NAV2: variants seen among roughly 807,000 people sequenced by gnomAD.
NAV2 encodes neuron navigator 2, also known as helicase, APC down-regulated 1.
A neutral mutation model predicts 223.2 loss-of-function variants in NAV2; 54 were observed. That is an observed-to-expected ratio of 0.24 (90% CI 0.19 to 0.30). The LOEUF (loss-of-function observed/expected upper bound fraction) is 0.30. Ranked by LOEUF, NAV2 falls within the 10% of genes least tolerant of loss-of-function variation. The pLI is 1.00. For missense variants in NAV2, 2,806 were observed against 3,147.5 expected, an observed-to-expected ratio of 0.89 and a Z score of 2.60; for synonymous variants, 1,279 against 1,239.3, an observed-to-expected ratio of 1.03 and a Z score of -0.67.
intron 37 of NAV2, 60 bp from the exon 38 acceptor site, chr11:20,118,073 G>C (rs1480353732): frequency 1.2e-6 from 2 of 1,601,266 alleles, no homozygotes; most frequent in Middle Eastern, 1.7e-4. Context: ...CCTTTTAGGA[G>C]TCCAGGGTGG....
Position 20,001,854 on chromosome 11 carries a change from TA to T in NAV2, c.2768+17618del, listed in dbSNP as rs565297370. Among the ~76,000 whole-genome samples, 1,210 of 146,068 alleles carry T rather than the reference TA, an allele frequency of 8.3e-3. 2 individuals are homozygous for T. The highest frequency in any genetic ancestry group is 0.012 in the Non-Finnish European group (811 of 65,996). ...ATGTACCCCAGAATCTAAAGTGTAA[TA>T]AAAAAAAAAATCAGGGCAAGCCTCC... On this transcript the variant is annotated intron_variant, in intron 11 of 37. Transcript: ENST00000349880.
At chr11:19,677,208 G>A (rs191556807) in intron 1 of NAV2, among the ~76,000 whole-genome samples, 11 of 152,228 alleles carry the variant, frequency 7.2e-5, no homozygotes, top group Non-Finnish European at 1.0e-4. Context: ...TATGCCTGGC[G>A]TAATCCAACC....
chr11:19,577,479 C>A (rs1017704840), intron 1 of NAV2, among the ~76,000 whole-genome samples: 2 of 152,248 alleles, frequency 1.3e-5, no homozygotes, highest in Non-Finnish European at 2.9e-5. Context: ...GGCCCTGACC[C>A]CGGCTCCTCC....
intron 6 of NAV2, among the ~76,000 whole-genome samples, chr11:19,921,680 T>C (rs1407336248): frequency 6.6e-6 from 1 of 152,218 alleles, no homozygotes; most frequent in Non-Finnish European, 1.5e-5. Context: ...GCAACTTACA[T>C]GTGTGGACTT....
intron 1 of NAV2, among the ~76,000 whole-genome samples, chr11:19,433,180 G>A (rs377323021): frequency 6.6e-6 from 1 of 152,322 alleles, no homozygotes; most frequent in South Asian, 2.1e-4. Context: ...ACTATATTTT[G>A]AGAGGATGCC....
At chr11:19,915,720 AG>A (rs1476435769) in intron 6 of NAV2, among the ~76,000 whole-genome samples, 1 of 152,078 alleles carries the variant, frequency 6.6e-6, no homozygotes, top group Non-Finnish European at 1.5e-5. Context: ...TCTCCTCTCT[AG>A]TTGTCCTCCC....
At chr11:19,926,641 GAA>G (rs59491897) in intron 6 of NAV2, among the ~76,000 whole-genome samples, 81,052 of 141,534 alleles carry the variant, frequency 0.57, 22,710 homozygotes, top group East Asian at 0.7. Flanking sequence ...TACACTTAAA[GAA>G]AAAAAAAAAA....
At chr11:19,385,405 C>T (rs1410206064) in intron 1 of NAV2, among the ~76,000 whole-genome samples, 3 of 152,300 alleles carry the variant, frequency 2.0e-5, no homozygotes, top group Non-Finnish European at 4.4e-5. Context: ...AAAGACAGTT[C>T]GCAAAAGGAA....
intron 1 of NAV2, among the ~76,000 whole-genome samples, chr11:19,459,131 T>C (rs187204115): frequency 6.6e-6 from 1 of 152,276 alleles, no homozygotes; most frequent in East Asian, 1.9e-4. Context: ...AAATTTCCAG[T>C]TGTAAGTCAT....
chr11:19,633,939 T>C (rs1565122427), intron 1 of NAV2, among the ~76,000 whole-genome samples: 1 of 152,198 alleles, frequency 6.6e-6, no homozygotes, highest in Non-Finnish European at 1.5e-5. Flanking sequence ...GCAAACTTAA[T>C]AGAACTGGCA....
At chr11:19,449,778 G>C (rs1362648251) in intron 1 of NAV2, among the ~76,000 whole-genome samples, 1 of 152,184 alleles carries the variant, frequency 6.6e-6, no homozygotes, top group African/African-American at 2.4e-5. Context: ...CTGGCCCAGA[G>C]CAAGTCAATG....
intron 12 of NAV2, among the ~76,000 whole-genome samples, chr11:20,040,779 A>G (rs566863053): frequency 1.3e-5 from 2 of 152,108 alleles, no homozygotes; most frequent in East Asian, 3.9e-4. Context: ...GCAGGATAGA[A>G]CTCTTCGTAC....
At chr11:20,114,851 G>A (rs1592229759) in intron 37 of NAV2, 56 bp downstream of exon 37, 1 of 1,515,806 alleles carries the variant, frequency 6.6e-7, no homozygotes, top group East Asian at 2.4e-5. Context: ...ACTGTGTGTT[G>A]GGTATGATGC....
At chr11:19,417,264 C>T (rs915250736) in intron 1 of NAV2, among the ~76,000 whole-genome samples, 1 of 152,084 alleles carries the variant, frequency 6.6e-6, no homozygotes, top group South Asian at 2.1e-4. Context: ...AAAACACAAC[C>T]CCATCAAAAA....
intron 1 of NAV2, among the ~76,000 whole-genome samples, chr11:19,662,018 G>A (rs937564125): frequency 1.3e-5 from 2 of 152,154 alleles, no homozygotes; most frequent in African/African-American, 4.8e-5. Flanking sequence ...AAAGTGCTGG[G>A]TTTGATTAGC....
At chr11:19,769,375 C>T (rs2055516800) in intron 1 of NAV2, among the ~76,000 whole-genome samples, 1 of 152,238 alleles carries the variant, frequency 6.6e-6, no homozygotes, top group Non-Finnish European at 1.5e-5. Flanking sequence ...TCATTAGCAG[C>T]ACTTGAAGTT....
At chr11:19,404,290 G>A (rs907820981) in intron 1 of NAV2, among the ~76,000 whole-genome samples, 1 of 152,200 alleles carries the variant, frequency 6.6e-6, no homozygotes, top group African/African-American at 2.4e-5. Flanking sequence ...CTGGAGTCAA[G>A]TGAGGTGCAC....
chr11:19,391,233 C>G (rs1021824115), intron 1 of NAV2, among the ~76,000 whole-genome samples: 20 of 152,234 alleles, frequency 1.3e-4, no homozygotes, highest in South Asian at 8.3e-4. Context: ...CCTGTCAGAG[C>G]CCCTCTGACC....
At chr11:19,686,602 T>C (rs537177277) in intron 1 of NAV2, among the ~76,000 whole-genome samples, 4 of 152,260 alleles carry the variant, frequency 2.6e-5, no homozygotes, top group Admixed American at 1.3e-4. Flanking sequence ...TAAGTTCACA[T>C]TGTCTGGTGC....
Sources: allele counts gnomAD v4.1 joint callset (sites outside exome capture counted in the v4.1 genomes callset), GRCh38; gene constraint gnomAD v4.1.1; transcripts MANE v1.5; gene names NCBI Gene and HGNC (gene_info 2026-07-23, HGNC 2026-07-21).